The following RYR2 variants were observed in gnomAD, a reference collection of about 807,000 sequenced individuals.
RYR2 encodes cardiac muscle ryanodine receptor-calcium release channel.
A neutral mutation model predicts 601.1 loss-of-function variants in RYR2; 227 were observed. That is an observed-to-expected ratio of 0.38 (90% CI 0.34 to 0.42). The LOEUF (loss-of-function observed/expected upper bound fraction) is 0.42, where lower values mean the gene tolerates loss of function less well. Among genes scored for constraint, RYR2 ranks in the 10% least tolerant of loss-of-function variants. RYR2 has a pLI of 1.00. For synonymous variants in RYR2, 2,223 were observed against 2,175.1 expected (o/e 1.02, Z -0.61); for missense variants, 4,646 against 6,156.5 (o/e 0.75, Z 8.21).
chr1:237,627,318 T>G (rs753937398), intron 40 of RYR2, among the ~76,000 whole-genome samples: 35 of 152,216 alleles, frequency 2.3e-4, no homozygotes, highest in Non-Finnish European at 4.4e-4. Flanking sequence ...CAACTTTAAG[T>G]GAAAACATAA....
intron 67 of RYR2, among the ~76,000 whole-genome samples, chr1:237,706,259 C>T (rs953756977): frequency 6.6e-5 from 10 of 151,526 alleles, no homozygotes; most frequent in Admixed American, 6.6e-5. Context: ...GCAGCAACAA[C>T]AAAAAAAGTT....
At position 237,668,070 on chromosome 1, in the gene RYR2, C is replaced by T. The variant is rs560225711; in HGVS notation, c.8590+112C>T. The T allele has an allele frequency of 1.7e-3, 1,309 of 788,132 alleles. 3 individuals are homozygous for T. The highest frequency in any genetic ancestry group is 2.3e-3 in the Admixed American group (79 of 35,042). The allele number at this position is 788,132 out of a possible 1,614,324, so 48.8% of individuals were successfully genotyped here. A position where few individuals can be genotyped will look rare whatever the true frequency, so the allele number is the denominator to read the frequency against. ...TTATTATAACTTTTTAAAATCAGAA[C>T]GGTTTAATTGTGCCTGTAACAGATT... is the stretch of plus-strand genomic sequence containing the variant. On this transcript the variant is annotated intron_variant, in intron 58 of 104. Transcript: ENST00000366574.
intron 33 of RYR2, among the ~76,000 whole-genome samples, chr1:237,594,902 T>TTTTG (rs1675679604): frequency 3.8e-4 from 10 of 26,072 alleles, no homozygotes; most frequent in Admixed American, 1.7e-3. Flanking sequence ...TTTTTTTTTT[T>TTTTG]TTTTTTTTTT....
chr1:237,209,174 A>G (rs1682272654), intron 1 of RYR2, among the ~76,000 whole-genome samples: 1 of 150,918 alleles, frequency 6.6e-6, no homozygotes, highest in Admixed American at 6.6e-5. Flanking sequence ...TTGAACTATG[A>G]TTCAGCCATA....
chr1:237,609,940 T>C (rs111404762), intron 35 of RYR2, among the ~76,000 whole-genome samples: 46 of 145,486 alleles, frequency 3.2e-4, no homozygotes, highest in African/African-American at 1.2e-3. Flanking sequence ...ACTTGGTTTT[T>C]CCCCGCCTAT....
intron 1 of RYR2, among the ~76,000 whole-genome samples, chr1:237,071,486 A>G (rs1664312031): frequency 6.6e-6 from 1 of 152,030 alleles, no homozygotes; most frequent in Non-Finnish European, 1.5e-5. Flanking sequence ...AGCCTCTCAA[A>G]GTGCTGGGAT....
chr1:237,454,680 T>C lies in RYR2; in HGVS notation c.1476+106T>C. ...TTTTGACCATCTTTGCGTTTTGCAA[T>C]ATAGAGGAGAAAGTATACTACTGAA... is the stretch of plus-strand genomic sequence containing the variant. On this transcript the variant is annotated intron_variant, in intron 15 of 104. Coordinates refer to ENST00000366574, the MANE Select transcript of RYR2 (RefSeq NM_001035.3). 5 of 1,095,842 alleles carry C rather than the reference T, an allele frequency of 4.6e-6. No homozygotes were observed. In the African/African-American group the frequency reaches 4.7e-5, roughly 10 times the overall value. 67.9% of individuals were successfully genotyped at this position (1,095,842 alleles called of 1,614,324 possible). A position where few individuals can be genotyped will look rare whatever the true frequency, so the allele number is the denominator to read the frequency against.
chr1:237,374,666 C>G, intron 6 of RYR2, 51 bp from the exon 7 acceptor site: 1 of 1,476,010 alleles, frequency 6.8e-7, no homozygotes, highest in Non-Finnish European at 9.3e-7. Context: ...CAAACACAAA[C>G]AACAGACGAA....
intron 25 of RYR2, among the ~76,000 whole-genome samples, chr1:237,545,119 T>G (rs950342469): frequency 2.3e-4 from 35 of 152,226 alleles, no homozygotes; most frequent in African/African-American, 8.2e-4. Flanking sequence ...GTGAACAAAT[T>G]ATTGGGCTAC....
At chr1:237,148,553 T>TATATATATATATATATATAC (rs71178397) in intron 1 of RYR2, among the ~76,000 whole-genome samples, 17 of 105,652 alleles carry the variant, frequency 1.6e-4, no homozygotes, top group Non-Finnish European at 2.4e-4. Context: ...TATATATATA[T>TATATATATATATATATATAC]ACACACACAC....
chr1:237,765,992 C>T (rs1003261502), intron 84 of RYR2, among the ~76,000 whole-genome samples: 1 of 151,838 alleles, frequency 6.6e-6, no homozygotes, highest in Non-Finnish European at 1.5e-5. Context: ...CTGGGGGAGA[C>T]GTGTAGTCTG....
intron 1 of RYR2, among the ~76,000 whole-genome samples, chr1:237,208,958 A>ATATATATATATATATATATG (rs1682165689): frequency 1.0e-5 from 1 of 99,956 alleles, no homozygotes; most frequent in African/African-American, 3.4e-5. Context: ...ATATATATAT[A>ATATATATATATATATATATG]TATATATATA....
intron 25 of RYR2, among the ~76,000 whole-genome samples, chr1:237,546,358 T>C (rs1459671349): frequency 1.1e-4 from 16 of 152,198 alleles, no homozygotes; most frequent in Admixed American, 9.8e-4. Flanking sequence ...TTTGTGTCTA[T>C]AGATAAATTA....
intron 2 of RYR2, among the ~76,000 whole-genome samples, chr1:237,320,963 A>C (rs1288325269): frequency 3.7e-5 from 1 of 27,330 alleles, no homozygotes; most frequent in African/African-American, 1.4e-4. Flanking sequence ...TGTCACATTT[A>C]GGTTTTTTTT....
At chr1:237,531,842 T>C (rs1036446058) in intron 25 of RYR2, among the ~76,000 whole-genome samples, 41 of 152,224 alleles carry the variant, frequency 2.7e-4, no homozygotes, top group African/African-American at 9.2e-4. Context: ...GTGTATCTTA[T>C]GAGCACAGAC....
At chr1:237,366,201 T>C (rs1700179690) in intron 5 of RYR2, among the ~76,000 whole-genome samples, 2 of 152,192 alleles carry the variant, frequency 1.3e-5, no homozygotes, top group African/African-American at 4.8e-5. Flanking sequence ...TGCTAAACAG[T>C]GATGCATTAG....
intron 3 of RYR2, among the ~76,000 whole-genome samples, chr1:237,345,434 TGAAA>T (rs1558658001): frequency 6.6e-6 from 1 of 150,442 alleles, no homozygotes; most frequent in African/African-American, 2.4e-5. Flanking sequence ...CCAGCCTGGG[TGAAA>T]GAGAGAGACT....
intron 1 of RYR2, among the ~76,000 whole-genome samples, chr1:237,072,157 C>T (rs377576048): frequency 2.0e-5 from 3 of 152,140 alleles, no homozygotes; most frequent in East Asian, 3.9e-4. Flanking sequence ...CAGCAGGGCA[C>T]GGGGGTCCTG....
rs573869723 is a variant in RYR2, at chr1:237,658,229, A to G, written c.8208+207A>G. On this transcript the variant is annotated intron_variant, in intron 54 of 104. Coordinates refer to ENST00000366574, the MANE Select transcript of RYR2 (RefSeq NM_001035.3). The stretch of plus-strand genomic sequence containing the variant: ...AAATATGATACCCTTATGAATAAGC[A>G]CTATTTTAAGCTTTCAAAAGATCTA... Among the ~76,000 whole-genome samples the G allele has an allele frequency of 2.6e-5, 4 of 152,286 alleles. No homozygotes were observed. The South Asian group carries it at 8.3e-4, about 32-fold the overall frequency.
Sources: allele counts gnomAD v4.1 joint callset (sites outside exome capture counted in the v4.1 genomes callset), GRCh38; gene constraint gnomAD v4.1.1; transcripts MANE v1.5; gene names NCBI Gene and HGNC (gene_info 2026-07-23, HGNC 2026-07-21).